The following MCTP2 variants were observed in gnomAD, a reference collection of about 807,000 sequenced individuals.
The protein encoded by MCTP2 is multiple C2 and transmembrane domain-containing protein 2.
A neutral mutation model predicts 111.6 loss-of-function variants in MCTP2; 132 were observed. The ratio of observed to expected loss-of-function variants is 1.18; its 90% confidence interval spans 1.03 to 1.37. MCTP2 has a LOEUF of 1.37. MCTP2 is among the 40% of genes most tolerant of loss of function. The probability of loss-of-function intolerance (pLI) is 0.00; values close to 1 mark genes in which losing one functional copy is unlikely to be tolerated. For synonymous variants in MCTP2, 395 were observed against 387.7 expected, an observed-to-expected ratio of 1.02 and a Z score of -0.22; for missense variants, 1,183 against 1,067.9, an observed-to-expected ratio of 1.11 and a Z score of -1.50.
At chr15:94,334,673 C>T (rs1454152795) in intron 4 of MCTP2, among the ~76,000 whole-genome samples, 2 of 152,036 alleles carry the variant, frequency 1.3e-5, no homozygotes, top group African/African-American at 4.8e-5. Flanking sequence ...GTAGCTGGGA[C>T]CACAGGCACA....
intron 8 of MCTP2, among the ~76,000 whole-genome samples, chr15:94,347,122 C>T (rs1192968801): frequency 2.0e-5 from 3 of 152,092 alleles, no homozygotes; most frequent in South Asian, 2.1e-4. Context: ...TGACTTTTTG[C>T]TTCTGAGAAT....
In MCTP2 at chr15:94,401,917, G is replaced by A. The variant is rs1300566573; in HGVS notation, c.1983G>A (p.Val661=). 1 of 1,611,802 alleles carries A rather than the reference G, an allele frequency of 6.2e-7. No individual in the cohort carries two copies. Among genetic ancestry groups the A allele is most frequent in the Non-Finnish European group, 8.5e-7 (1 of 1,178,600 alleles). Residue 661 remains valine (V), a synonymous_variant, in exon 17 of 23, where the codon GTG becomes GTA. Transcript: ENST00000357742. ...KLSKKILSRD[V]DRVKRITMAI... ...AAAATCAGATCTTATCAAGAGATGT[G>A]GACCGTGTGAAAAGAATCACTATGG...
At chr15:94,476,831 C>A in intron 22 of MCTP2, 38 bp downstream of exon 22, 1 of 1,231,344 alleles carries the variant, frequency 8.1e-7, no homozygotes, top group Non-Finnish European at 1.2e-6. Context: ...GTGGCCCCAA[C>A]CTGAAATCTG....
intron 4 of MCTP2, among the ~76,000 whole-genome samples, chr15:94,320,685 T>C (rs1281796457): frequency 6.6e-6 from 1 of 152,202 alleles, no homozygotes; most frequent in Non-Finnish European, 1.5e-5. Flanking sequence ...CTGGTGTTCT[T>C]CTGGGGCTTG....
intron 12 of MCTP2, among the ~76,000 whole-genome samples, chr15:94,375,679 C>T (rs549180604): frequency 8.5e-5 from 13 of 152,288 alleles, no homozygotes; most frequent in African/African-American, 3.1e-4. Context: ...ACCCTTTTCT[C>T]TTTCCGTTGT....
At chr15:94,421,796 C>T (rs1445783709) in intron 17 of MCTP2, among the ~76,000 whole-genome samples, 1 of 152,182 alleles carries the variant, frequency 6.6e-6, no homozygotes, top group Non-Finnish European at 1.5e-5. Flanking sequence ...AACTTAGCTT[C>T]ATCTGCAACC....
At chr15:94,288,017 A>G (rs1003087603) in intron 1 of MCTP2, among the ~76,000 whole-genome samples, 4 of 152,214 alleles carry the variant, frequency 2.6e-5, no homozygotes, top group African/African-American at 4.8e-5. Flanking sequence ...TGGTGGAGGC[A>G]GTGGCAGCAA....
At chr15:94,345,026 T>A in intron 7 of MCTP2, 103 bp from the exon 8 acceptor site, 1 of 1,316,186 alleles carries the variant, frequency 7.6e-7, no homozygotes, top group East Asian at 2.5e-5. Flanking sequence ...ATTATCTGAA[T>A]GTAACCTGGA....
At chr15:94,256,876 G>A (rs938893545) in intron 1 of MCTP2, among the ~76,000 whole-genome samples, 19 of 152,038 alleles carry the variant, frequency 1.2e-4, no homozygotes, top group East Asian at 1.2e-3. Flanking sequence ...CCTTGGACTC[G>A]TCCTGCGTGG....
In MCTP2 at chr15:94,265,177, G is replaced by A. The variant is rs1445825530; in HGVS notation, c.-65-33024G>A. 2.0e-5 allele frequency among the ~76,000 whole-genome samples: 3 copies of A among 152,154 alleles called. No individual in the cohort carries two copies. The East Asian group carries it at 5.8e-4, about 29-fold the overall frequency. On this transcript the variant is annotated intron_variant, in intron 1 of 22. Transcript: ENST00000357742. ...CCTATGAGGCAATAACTCTGCCAAG[G>A]ACTCCTGCTTTTGATGATGGGATTG...
intron 12 of MCTP2, among the ~76,000 whole-genome samples, chr15:94,371,739 A>C (rs749350982): frequency 1.3e-5 from 2 of 152,160 alleles, no homozygotes; most frequent in African/African-American, 2.4e-5. Context: ...CCCAGGCTGG[A>C]GTACAATGGC....
intron 1 of MCTP2, among the ~76,000 whole-genome samples, chr15:94,256,637 G>A (rs1041265899): frequency 6.6e-6 from 1 of 152,176 alleles, no homozygotes; most frequent in African/African-American, 2.4e-5. Flanking sequence ...GGTCTTTTCT[G>A]TGAGCAAGAG....
At chr15:94,257,686 G>A (rs548511875) in intron 1 of MCTP2, among the ~76,000 whole-genome samples, 4 of 140,142 alleles carry the variant, frequency 2.9e-5, no homozygotes, top group Admixed American at 2.3e-4. Context: ...TCCTAGGTTC[G>A]AGCGATTCTC....
Position 94,429,254 on chromosome 15 carries a change from A to C in MCTP2, c.2086-10922A>C, listed in dbSNP as rs77468298. Among the ~76,000 whole-genome samples the C allele has an allele frequency of 5.9e-5, 9 of 152,306 alleles. No homozygotes were observed. The East Asian group carries it at 1.7e-3, about 29-fold the overall frequency. On this transcript the variant is annotated intron_variant, in intron 17 of 22. Coordinates refer to ENST00000357742, the MANE Select transcript of MCTP2 (RefSeq NM_001385001.1). ...CCACCCTTATCACTGATTCAAAGGT[A>C]GTGCTCCAACTGTTATTTCCCATCT...
intron 7 of MCTP2, chr15:94,342,607 T>C (rs547271614): frequency 9.6e-5 from 11 of 114,840 alleles, no homozygotes; most frequent in Admixed American, 1.9e-4. Flanking sequence ...CACACACACA[T>C]ATATATTTAT....
intron 9 of MCTP2, among the ~76,000 whole-genome samples, chr15:94,357,238 CT>C (rs2152425110): frequency 6.6e-6 from 1 of 152,260 alleles, no homozygotes; most frequent in African/African-American, 2.4e-5. Context: ...AGAATTGAAG[CT>C]CATGTTGAAG....
At chr15:94,368,308 T>C (rs992167792) in intron 11 of MCTP2, among the ~76,000 whole-genome samples, 1 of 152,212 alleles carries the variant, frequency 6.6e-6, no homozygotes, top group African/African-American at 2.4e-5. Flanking sequence ...TCTCCCTAAG[T>C]AGTTGCAATG....
chr15:94,375,969 C>T (rs2079750130), intron 12 of MCTP2, among the ~76,000 whole-genome samples: 1 of 152,082 alleles, frequency 6.6e-6, no homozygotes, highest in Non-Finnish European at 1.5e-5. Context: ...TTCTGGTAAT[C>T]GACCACAGAT....
At chr15:94,411,759 A>G (rs778066780) in intron 17 of MCTP2, among the ~76,000 whole-genome samples, 1 of 152,192 alleles carries the variant, frequency 6.6e-6, no homozygotes, top group Non-Finnish European at 1.5e-5. Context: ...TACAAAAAAA[A>G]AGATTTTGAT....
Sources: allele counts gnomAD v4.1 joint callset (sites outside exome capture counted in the v4.1 genomes callset), GRCh38; gene constraint gnomAD v4.1.1; transcripts MANE v1.5; gene names NCBI Gene and HGNC (gene_info 2026-07-23, HGNC 2026-07-21).